The following MEMO1 variants were observed in gnomAD, a reference collection of about 807,000 sequenced individuals.
MEMO1 encodes the protein protein MEMO1.
A neutral mutation model predicts 45.2 loss-of-function variants in MEMO1; 6 were observed. The observed-to-expected ratio is 0.13, with a 90% CI of 0.07 to 0.26. The LOEUF is 0.26. Ranked by LOEUF, MEMO1 falls within the 10% of genes least tolerant of loss-of-function variation. MEMO1 has a pLI of 1.00. For synonymous variants in MEMO1, 78 were observed against 124.3 expected (o/e 0.63, Z 2.48); for missense variants, 184 against 370.5 (o/e 0.50, Z 4.13).
At chr2:32,002,186 T>TATATACACAC (rs753352927) in intron 2 of MEMO1, among the ~76,000 whole-genome samples, 7 of 116,066 alleles carry the variant, frequency 6.0e-5, no homozygotes, top group African/African-American at 1.4e-4. Flanking sequence ...TATATATATA[T>TATATACACAC]ACACACACAC....
At chr2:32,004,304 G>A (rs1207108550) in intron 2 of MEMO1, among the ~76,000 whole-genome samples, 2 of 151,784 alleles carry the variant, frequency 1.3e-5, no homozygotes, top group African/African-American at 2.4e-5. Context: ...ATAAGAACTA[G>A]AAGTCAATAT....
At chr2:31,888,534 C>G (rs527921093) in intron 7 of MEMO1, among the ~76,000 whole-genome samples, 1 of 152,058 alleles carries the variant, frequency 6.6e-6, no homozygotes, top group South Asian at 2.1e-4. Context: ...TAGGTCCAGA[C>G]AAAATTCTCT....
intron 2 of MEMO1, among the ~76,000 whole-genome samples, chr2:31,955,762 C>G (rs530507255): frequency 1.5e-4 from 23 of 152,216 alleles, no homozygotes; most frequent in African/African-American, 5.1e-4. Flanking sequence ...GCATGCACCA[C>G]TAGGCCCAAC....
chr2:31,965,235 AAGGGAAGAAAGGG>A (rs886771464), intron 2 of MEMO1, among the ~76,000 whole-genome samples: 2 of 151,138 alleles, frequency 1.3e-5, no homozygotes, highest in African/African-American at 2.4e-5. Flanking sequence ...AAAGGAAAGG[AAGGGAAGAAAGGG>A]AGGGAAAAAA....
chr2:31,975,400 C>T (rs1669894531), intron 2 of MEMO1, among the ~76,000 whole-genome samples: 1 of 152,092 alleles, frequency 6.6e-6, no homozygotes, highest in Non-Finnish European at 1.5e-5. Context: ...GAGGAGTCAG[C>T]AGGCAATATA....
intron 2 of MEMO1, among the ~76,000 whole-genome samples, chr2:31,946,109 AT>A (rs1440200089): frequency 6.6e-6 from 1 of 152,152 alleles, no homozygotes; most frequent in African/African-American, 2.4e-5. Context: ...GGGGAAGCAG[AT>A]TTTGGTTTTA....
chr2:31,898,859 G>T (rs1678301969), intron 6 of MEMO1, among the ~76,000 whole-genome samples: 1 of 152,176 alleles, frequency 6.6e-6, no homozygotes, highest in Non-Finnish European at 1.5e-5. Flanking sequence ...TCTCTTTGTA[G>T]TTCTCTAAGA....
Position 31,896,875 on chromosome 2 carries a change from C to A in MEMO1, c.438-4741G>T, listed in dbSNP as rs114062104. Among the ~76,000 whole-genome samples the A allele has an allele frequency of 4.1e-3, 627 of 151,920 alleles. 9 individuals carry two copies. The highest frequency in any genetic ancestry group is 0.015 in the African/African-American group (617 of 41,252). On this transcript the variant is annotated intron_variant, in intron 6 of 9. Transcript: ENST00000404530. The stretch of plus-strand genomic sequence containing the variant: ...TAGATATTTCACAAAAGAAGATATA[C>A]AAATGGATAATCAGCACATAAAAAT...
intron 6 of MEMO1, among the ~76,000 whole-genome samples, chr2:31,902,240 A>T (rs533964896): frequency 6.6e-6 from 1 of 152,142 alleles, no homozygotes; most frequent in Non-Finnish European, 1.5e-5. Flanking sequence ...CACATGGTGA[A>T]ACCCCACCTC....
At chr2:31,996,535 C>T (rs1047200051) in intron 2 of MEMO1, among the ~76,000 whole-genome samples, 2 of 151,714 alleles carry the variant, frequency 1.3e-5, no homozygotes, top group Admixed American at 6.6e-5. Context: ...CAGAGTGACA[C>T]CCTATCTCAA....
intron 2 of MEMO1, among the ~76,000 whole-genome samples, chr2:32,007,595 C>A (rs572919869): frequency 4.6e-5 from 7 of 151,984 alleles, no homozygotes; most frequent in African/African-American, 1.7e-4. Context: ...GTGTTTTCAC[C>A]CTTATTTATG....
intron 2 of MEMO1, among the ~76,000 whole-genome samples, chr2:31,968,829 T>C (rs1281779376): frequency 6.6e-6 from 1 of 152,154 alleles, no homozygotes; most frequent in Non-Finnish European, 1.5e-5. Flanking sequence ...AAATATGTTC[T>C]CTAAAGAGGA....
intron 4 of MEMO1, among the ~76,000 whole-genome samples, chr2:31,922,190 A>G (rs560125186): frequency 6.6e-6 from 1 of 152,292 alleles, no homozygotes; most frequent in African/African-American, 2.4e-5. Flanking sequence ...TTTTCTGTCA[A>G]AAATTTGCAG....
chr2:31,933,172 T>A (rs892032930), intron 3 of MEMO1, among the ~76,000 whole-genome samples: 1 of 149,900 alleles, frequency 6.7e-6, no homozygotes, highest in Admixed American at 6.7e-5. Context: ...TTCTAGAAAA[T>A]AGCGAGGCAT....
chr2:31,969,777 CTTTTT>C (rs35837397), intron 2 of MEMO1, among the ~76,000 whole-genome samples: 4 of 143,512 alleles, frequency 2.8e-5, no homozygotes, highest in Admixed American at 7.0e-5. Flanking sequence ...ACCCAACTAA[CTTTTT>C]TTTTTTTTTA....
intron 3 of MEMO1, among the ~76,000 whole-genome samples, chr2:31,943,101 C>T (rs1358031692): frequency 6.6e-6 from 1 of 152,002 alleles, no homozygotes; most frequent in Non-Finnish European, 1.5e-5. Flanking sequence ...TCCGTCTCTA[C>T]TAAAAATACA....
chr2:31,898,465 C>T (rs980598558), intron 6 of MEMO1, among the ~76,000 whole-genome samples: 4 of 152,132 alleles, frequency 2.6e-5, no homozygotes, highest in Admixed American at 1.3e-4. Context: ...GCCTTAATTT[C>T]GTAATTTACC....
At chr2:32,006,585 C>T (rs1674099025) in intron 2 of MEMO1, among the ~76,000 whole-genome samples, 1 of 148,772 alleles carries the variant, frequency 6.7e-6, no homozygotes, top group African/African-American at 2.5e-5. Context: ...AGCTACTGGA[C>T]CTTACCAAAA....
chr2:31,972,403 A>G (rs1044289159), intron 2 of MEMO1, among the ~76,000 whole-genome samples: 1 of 152,234 alleles, frequency 6.6e-6, no homozygotes, highest in Non-Finnish European at 1.5e-5. Flanking sequence ...TAATTACCTT[A>G]CAGAAAAGGA....
Sources: gnomAD v4.1 joint callset for allele counts (sites outside exome capture counted in the v4.1 genomes callset) on GRCh38, gnomAD v4.1.1 for gene constraint, MANE v1.5 for transcripts, NCBI Gene and HGNC (gene_info 2026-07-23, HGNC 2026-07-21) for gene names.